RDH12: variants seen among roughly 807,000 people sequenced by gnomAD.
RDH12 encodes the protein retinol dehydrogenase 12.
A neutral mutation model predicts 34.0 loss-of-function variants in RDH12; 21 were observed. The ratio of observed to expected loss-of-function variants is 0.62; its 90% CI spans 0.44 to 0.89. The LOEUF is 0.89. Ranked by LOEUF, RDH12 falls within the 40% of genes least tolerant of loss-of-function variation. The pLI is 0.00. For missense variants in RDH12, 394 were observed against 398.6 expected (o/e 0.99, Z 0.10); for synonymous variants, 198 against 169.9 (o/e 1.17, Z -1.29).
At position 67,727,480 on chromosome 14, in the gene RDH12, T is replaced by G. The variant is rs58133279; in HGVS notation, c.658+290T>G. ...TGCAACAGACAGAGGCTTTTTGTTT[T>G]TTTTGTTTTTTTTTTTTTGAGACTT... On this transcript the variant is annotated intron_variant, in intron 7 of 8. Coordinates refer to ENST00000551171, the MANE Select transcript of RDH12 (RefSeq NM_152443.3). 6.2e-3 allele frequency: 2,142 copies of G among 347,666 alleles called. 37 individuals carry two copies. The highest frequency in any genetic ancestry group is 0.017 in the East Asian group (228 of 13,462). The allele number at this position is 347,666 out of a possible 1,614,324, so 21.5% of individuals were successfully genotyped here. A position where few individuals can be genotyped will look rare whatever the true frequency, so the allele number is the denominator to read the frequency against.
At chr14:67,726,329 G>A (rs1217099349) in intron 6 of RDH12, among the ~76,000 whole-genome samples, 174 bp downstream of exon 6, 3 of 152,182 alleles carry the variant, frequency 2.0e-5, no homozygotes, top group African/African-American at 7.2e-5. Context: ...GTCTAAAAAA[G>A]TGAGATCTTC....
Position 67,725,232 on chromosome 14 carries a change from C to T in RDH12, c.321C>T (p.Ala107=). 1 of 1,613,588 alleles carries T rather than the reference C, an allele frequency of 6.2e-7. No homozygotes were observed. The highest frequency in any genetic ancestry group is 8.5e-7 in the Non-Finnish European group (1 of 1,180,032). The change falls in exon 5 of 9, where the codon GCC becomes GCT. Residue 107 remains alanine (A), a synonymous_variant. Coordinates refer to ENST00000551171, the MANE Select transcript of RDH12 (RefSeq NM_152443.3). ...TATCCGACACCAAATCTATCCGAGC[C>T]TTTGCTGAGGGCTTTCTGGCAGGTG... ...LDLSDTKSIR[A]FAEGFLAEEK... is the part of the protein sequence containing the mutation.
intron 7 of RDH12, among the ~76,000 whole-genome samples, chr14:67,728,704 G>GC: frequency 1.2e-4 from 1 of 8,378 alleles, no homozygotes; most frequent in South Asian, 9.8e-3. Flanking sequence ...GATATCTTGT[G>GC]GGGGGGGGGT....
At chr14:67,725,878 G>C (rs543854190) in intron 5 of RDH12, among the ~76,000 whole-genome samples, 173 bp from the exon 6 acceptor site, 1 of 152,352 alleles carries the variant, frequency 6.6e-6, no homozygotes, top group South Asian at 2.1e-4. Flanking sequence ...GTTATTGAGT[G>C]CTGAGGCAAT....
At chr14:67,733,703 T>G (rs1244336933) in intron 8 of RDH12, 43 bp from the exon 9 acceptor site, 1 of 1,319,554 alleles carries the variant, frequency 7.6e-7, no homozygotes, top group Non-Finnish European at 1.1e-6. Context: ...TCCAGACTGC[T>G]AATTCTCATT....
intron 4 of RDH12, 55 bp downstream of exon 4, chr14:67,724,646 C>A: frequency 7.7e-7 from 1 of 1,301,718 alleles, no homozygotes; most frequent in Non-Finnish European, 1.1e-6. Flanking sequence ...CTTCTTCCCA[C>A]TGGGGCCTCT....
chr14:67,726,008 G>C, intron 5 of RDH12, 43 bp from the exon 6 acceptor site: 2 of 1,319,142 alleles, frequency 1.5e-6, no homozygotes, highest in Non-Finnish European at 2.2e-6. Context: ...GCAGCTAGGG[G>C]ACTCCTTGCT....
Position 67,722,635 on chromosome 14 carries a change from T to G in RDH12, c.-8T>G. 6.2e-7 allele frequency: 1 copy of G among 1,613,408 alleles called. No individual in the cohort carries two copies. The highest frequency in any genetic ancestry group is 8.5e-7 in the Non-Finnish European group (1 of 1,179,380). The stretch of plus-strand genomic sequence containing the variant: ...GCAAAAGCAACAGCAGCTACAGAAG[T>G]TGGAACGATGCTGGTCACCTTGGGA... On this transcript the variant is annotated 5_prime_UTR_variant, in exon 3 of 9. Coordinates refer to ENST00000551171, the MANE Select transcript of RDH12 (RefSeq NM_152443.3).
chr14:67,719,220 A>C (rs2038098135), intron 1 of RDH12, among the ~76,000 whole-genome samples: 1 of 152,252 alleles, frequency 6.6e-6, no homozygotes, highest in Non-Finnish European at 1.5e-5. Context: ...GTAAAAACAA[A>C]TCAGCAGAGC....
intron 1 of RDH12, among the ~76,000 whole-genome samples, chr14:67,712,493 C>CAAAAAAAAAAAAAAAAAAA (rs79758974): frequency 1.8e-4 from 7 of 38,946 alleles, no homozygotes; most frequent in Non-Finnish European, 2.2e-4. Context: ...AAAAAACTTG[C>CAAAAAAAAAAAAAAAAAAA]AAAAAAAAAA....
At chr14:67,719,127 T>C (rs2038097247) in intron 1 of RDH12, among the ~76,000 whole-genome samples, 1 of 152,208 alleles carries the variant, frequency 6.6e-6, no homozygotes, top group South Asian at 2.1e-4. Flanking sequence ...TCCTTTTCCA[T>C]TGGAGGGTAC....
chr14:67,724,427 G>T, intron 3 of RDH12, 46 bp from the exon 4 acceptor site: 1 of 1,169,012 alleles, frequency 8.6e-7, no homozygotes, highest in Non-Finnish European at 1.3e-6. Flanking sequence ...CTTAGTGTGA[G>T]CTCGTGAAGG....
intron 5 of RDH12, 129 bp downstream of exon 5, chr14:67,725,383 CCAG>C: frequency 2.1e-6 from 2 of 953,716 alleles, no homozygotes; most frequent in Non-Finnish European, 3.3e-6. Flanking sequence ...GCCACATGAA[CCAG>C]CAGGACAGGG....
chr14:67,724,551 G>T lies in RDH12; in HGVS notation c.147G>T (p.Thr49=), dbSNP rs750704865. ...TAGTGGTGATCACTGGCGCCAACAC[G>T]GGCATTGGCAAGGAGACGGCCAGAG... ...GKVVVITGAN[T]GIGKETAREL... The change falls in exon 4 of 9, where the codon ACG becomes ACT. Residue 49 remains threonine (T), a synonymous_variant. Transcript: ENST00000551171. 2.5e-6 allele frequency: 4 copies of T among 1,613,888 alleles called. No homozygotes were observed. The highest frequency in any genetic ancestry group is 1.3e-5 in the African/African-American group (1 of 74,994).
chr14:67,733,904 C>A lies in RDH12; in HGVS notation c.*56C>A. On this transcript the variant is annotated 3_prime_UTR_variant, in exon 9 of 9. Coordinates refer to ENST00000551171, the MANE Select transcript of RDH12 (RefSeq NM_152443.3). The stretch of plus-strand genomic sequence containing the variant: ...CAATCCATGCCATAATGAACAGGGA[C>A]CAAGGAGAAGGCCAACCCTAAAGGA... The A allele has an allele frequency of 7.4e-7, 1 of 1,357,340 alleles. No homozygotes were observed. The highest frequency in any genetic ancestry group is 1.1e-6 in the Non-Finnish European group (1 of 951,666). The allele number at this position is 1,357,340 out of a possible 1,614,324, so 84.1% of individuals were successfully genotyped here.
At position 67,715,562 on chromosome 14, in the gene RDH12, T is replaced by C. The variant is rs369304635; in HGVS notation, c.-274-5286T>C. ...GCCTGGGCTTATTGGCCCTCTTTTA[T>C]TTAAAAAAATTTCCCAACATTTAAT... On this transcript the variant is annotated intron_variant, in intron 1 of 8. Transcript: ENST00000551171. Among the ~76,000 whole-genome samples the C allele has an allele frequency of 2.6e-5, 4 of 152,208 alleles. No homozygotes were observed. In the East Asian group the frequency reaches 5.8e-4, roughly 22 times the overall value.
At chr14:67,729,081 TTA>T (rs2140150152) in intron 7 of RDH12, 108 bp from the exon 8 acceptor site, 1 of 1,104,436 alleles carries the variant, frequency 9.1e-7, no homozygotes, top group East Asian at 2.3e-5. Flanking sequence ...AATCCTGGGG[TTA>T]TGTTTCCTGA....
intron 1 of RDH12, among the ~76,000 whole-genome samples, chr14:67,703,856 T>G (rs1011806389): frequency 2.6e-5 from 4 of 152,042 alleles, no homozygotes; most frequent in African/African-American, 7.2e-5. Context: ...TTGCATTTTT[T>G]GGGTAGAGAT....
At position 67,726,107 on chromosome 14, in the gene RDH12, T is replaced by C; in HGVS notation, c.400T>C (p.Ser134Pro). The change falls in exon 6 of 9, where the codon TCC (serine) becomes CCC (proline). Residue 134 changes from serine to proline, a missense_variant. By Grantham distance (74) the Ser-to-Pro change is moderately conservative. Coordinates refer to ENST00000551171, the MANE Select transcript of RDH12 (RefSeq NM_152443.3). The part of the protein sequence containing the change: ...NNAGVMMCPY[S>P]KTADGFETHL... ...TGCGGGAGTAATGATGTGTCCATAT[T>C]CCAAGACAGCTGATGGCTTTGAAAC... 1.9e-6 allele frequency: 3 copies of C among 1,614,092 alleles called. No homozygotes were observed. The highest frequency in any genetic ancestry group is 2.2e-5 in the East Asian group (1 of 44,882).
Sources: allele counts gnomAD v4.1 joint callset (sites outside exome capture counted in the v4.1 genomes callset), GRCh38; gene constraint gnomAD v4.1.1; transcripts MANE v1.5; gene names NCBI Gene and HGNC (gene_info 2026-07-23, HGNC 2026-07-21).